The following GTF2IRD2B variants were observed in gnomAD, a reference collection of about 807,000 sequenced individuals.
GTF2IRD2B encodes general transcription factor II-I repeat domain-containing protein 2B.
Under a neutral mutation model 55.6 loss-of-function variants are expected in GTF2IRD2B, and 10 were observed. That is an observed-to-expected ratio of 0.18 (90% CI 0.11 to 0.31). The LOEUF (loss-of-function observed/expected upper bound fraction) is 0.31. Ranked by LOEUF, GTF2IRD2B falls within the 10% of genes least tolerant of loss-of-function variation. The pLI is 1.00. For missense variants in GTF2IRD2B, 206 were observed against 802.7 expected, an observed-to-expected ratio of 0.26 and a Z score of 8.98; for synonymous variants, 107 against 320.5, an observed-to-expected ratio of 0.33 and a Z score of 7.12.
At chr7:75,134,214 G>A (rs1489541278) in intron 9 of GTF2IRD2B, among the ~76,000 whole-genome samples, 35 of 122,902 alleles carry the variant, frequency 2.8e-4, no homozygotes, top group Non-Finnish European at 3.7e-4. Flanking sequence ...ATGGTGAGAC[G>A]CCGTCTCTAC....
At chr7:75,133,005 GT>G (rs1808716403) in intron 8 of GTF2IRD2B, 129 bp from the exon 9 acceptor site, 2 of 159,514 alleles carry the variant, frequency 1.3e-5, no homozygotes, top group South Asian at 8.6e-5. Flanking sequence ...TTTGTTCATA[GT>G]GAGTGAGCTA....
At chr7:75,130,146 TTTCC>T (rs1245833451) in intron 8 of GTF2IRD2B, among the ~76,000 whole-genome samples, 207 of 99,678 alleles carry the variant, frequency 2.1e-3, no homozygotes, top group East Asian at 6.9e-3. Context: ...TCTTTCTTTC[TTTCC>T]TTCTTTCTTT....
intron 1 of GTF2IRD2B, among the ~76,000 whole-genome samples, chr7:75,104,094 G>T (rs1807680494): frequency 7.4e-6 from 1 of 134,698 alleles, no homozygotes; most frequent in Non-Finnish European, 1.6e-5. Flanking sequence ...TTCATCACCA[G>T]GGGTGCCCCT....
At chr7:75,133,547 C>CA (rs1554453218) in intron 9 of GTF2IRD2B, among the ~76,000 whole-genome samples, 1 of 132,372 alleles carries the variant, frequency 7.6e-6, no homozygotes, top group Non-Finnish European at 1.6e-5. Flanking sequence ...TCCACATACT[C>CA]TTTTTTTTTT....
At chr7:75,117,736 T>A (rs1409938309) in intron 3 of GTF2IRD2B, among the ~76,000 whole-genome samples, 1 of 152,272 alleles carries the variant, frequency 6.6e-6, no homozygotes, top group Admixed American at 6.5e-5. Context: ...ACAAAATACA[T>A]ATATATATAC....
chr7:75,115,590 A>ATTTTT, intron 3 of GTF2IRD2B, among the ~76,000 whole-genome samples: 1 of 81,572 alleles, frequency 1.2e-5, no homozygotes, highest in Non-Finnish European at 2.5e-5. Context: ...TGCCCAGCTA[A>ATTTTT]TTTTTTTTTT....
chr7:75,100,162 AG>A (rs1807497785), intron 1 of GTF2IRD2B, among the ~76,000 whole-genome samples: 2 of 112,064 alleles, frequency 1.8e-5, no homozygotes. Flanking sequence ...AGGCTGAGGC[AG>A]CAGAATCGCT....
intron 1 of GTF2IRD2B, among the ~76,000 whole-genome samples, chr7:75,107,116 AAATCTGACTAAACATCATTGGATCAAT>A (rs1175824427): frequency 6.6e-6 from 1 of 151,538 alleles, no homozygotes; most frequent in Non-Finnish European, 1.5e-5. Flanking sequence ...AACCATGCTG[AAATCTGACTAAACATCATTGGATCAAT>A]AAGGTACAAA....
At chr7:75,129,828 AG>A (rs1283447450) in intron 8 of GTF2IRD2B, among the ~76,000 whole-genome samples, 24 of 152,404 alleles carry the variant, frequency 1.6e-4, no homozygotes, top group East Asian at 9.6e-4. Context: ...CAGTGTCCCC[AG>A]GGGCCGAGTT....
chr7:75,093,374 TCTCCATCC>T (rs1364913291), intron 1 of GTF2IRD2B, among the ~76,000 whole-genome samples: 1 of 151,668 alleles, frequency 6.6e-6, no homozygotes, highest in African/African-American at 2.4e-5. Context: ...AAGGCTGTAT[TCTCCATCC>T]CTCAAGCCCA....
intron 8 of GTF2IRD2B, among the ~76,000 whole-genome samples, chr7:75,130,627 A>G (rs1808644566): frequency 6.6e-6 from 1 of 150,916 alleles, no homozygotes; most frequent in Admixed American, 6.6e-5. Context: ...ACAGGTGCCC[A>G]CCACCACACC....
At chr7:75,127,468 C>CAAA (rs71246071) in intron 8 of GTF2IRD2B, among the ~76,000 whole-genome samples, 46 of 33,094 alleles carry the variant, frequency 1.4e-3, no homozygotes, top group Non-Finnish European at 1.9e-3. Flanking sequence ...GACGTTGTCT[C>CAAA]AAAAAAAAAA....
At chr7:75,117,514 A>G (rs1387432381) in intron 3 of GTF2IRD2B, among the ~76,000 whole-genome samples, 11 of 152,286 alleles carry the variant, frequency 7.2e-5, no homozygotes, top group Non-Finnish European at 1.6e-4. Context: ...AGTTTTAGTG[A>G]CACCCCCACC....
intron 1 of GTF2IRD2B, among the ~76,000 whole-genome samples, chr7:75,106,668 C>T (rs1316853837): frequency 1.1e-4 from 10 of 87,900 alleles, no homozygotes; most frequent in African/African-American, 3.4e-4. Flanking sequence ...TTAAGGAGGC[C>T]GACACAGGAG....
rs587594474 is a variant in GTF2IRD2B at position 75,149,398 on chromosome 7, T to C, written c.*101T>C. 9 of 774,246 alleles carry C rather than the reference T, an allele frequency of 1.2e-5. No homozygotes were observed. In the South Asian group the frequency reaches 1.2e-4, roughly 11 times the overall value. 48.0% of individuals were successfully genotyped at this position (774,246 alleles called of 1,614,324 possible). On this transcript the variant is annotated 3_prime_UTR_variant, in exon 16 of 16. Transcript: ENST00000472837. Reference sequence around the variant, plus strand: ...CAAAATGAATTTTTTTTTTCTTTTTTGAGATGGAGTCTTGCTCTGTCGCCC... The same window carrying C: ...CAAAATGAATTTTTTTTTTCTTTTTCGAGATGGAGTCTTGCTCTGTCGCCC...
chr7:75,105,977 G>A (rs1162032062), intron 1 of GTF2IRD2B, among the ~76,000 whole-genome samples: 4 of 152,422 alleles, frequency 2.6e-5, no homozygotes, highest in African/African-American at 7.2e-5. Context: ...CTTCCCTGAC[G>A]TCCTCAGTCC....
intron 6 of GTF2IRD2B, among the ~76,000 whole-genome samples, chr7:75,124,210 A>C (rs1254436136): frequency 6.6e-6 from 1 of 151,910 alleles, no homozygotes; most frequent in African/African-American, 2.4e-5. Context: ...CCTACTAAAA[A>C]TACCAAAGTT....
Position 75,148,532 on chromosome 7 carries a change from C to T in GTF2IRD2B, c.2085C>T (p.Leu695=). 1 of 1,605,818 alleles carries T rather than the reference C, an allele frequency of 6.2e-7. No homozygotes were observed. The highest frequency in any genetic ancestry group is 8.5e-7 in the Non-Finnish European group (1 of 1,174,716). ...GLNHSEFTTL[L]YELDSQYGSL... ...ACCACAGCGAGTTCACAACCTTGCT[C>T]TATGAGCTGGACAGCCAGTATGGTA... The change falls in exon 16 of 16, where the codon CTC becomes CTT. Residue 695 remains leucine, a synonymous_variant. Coordinates refer to ENST00000472837, the MANE Select transcript of GTF2IRD2B (RefSeq NM_001003795.3).
At chr7:75,105,788 A>G (rs1483821843) in intron 1 of GTF2IRD2B, among the ~76,000 whole-genome samples, 1 of 152,308 alleles carries the variant, frequency 6.6e-6, no homozygotes, top group Non-Finnish European at 1.5e-5. Flanking sequence ...ACGACACCAG[A>G]CTTTGGAGGA....
Sources: allele counts gnomAD v4.1 joint callset (sites outside exome capture counted in the v4.1 genomes callset), GRCh38; gene constraint gnomAD v4.1.1; transcripts MANE v1.5; gene names NCBI Gene and HGNC (gene_info 2026-07-23, HGNC 2026-07-21).